The following ADAMTS17 variants were observed in gnomAD, a reference collection of about 807,000 sequenced individuals.
ADAMTS17 encodes A disintegrin and metalloproteinase with thrombospondin motifs 17.
Under a neutral mutation model 141.5 loss-of-function variants are expected in ADAMTS17, and 113 were observed. That is an observed-to-expected ratio of 0.80 (90% CI 0.69 to 0.93). ADAMTS17 has a LOEUF of 0.93. Ranked by LOEUF, ADAMTS17 falls within the 40% of genes least tolerant of loss-of-function variation. The pLI, the probability that ADAMTS17 is intolerant of heterozygous loss-of-function variation, is 0.00. For synonymous variants in ADAMTS17, 768 were observed against 630.6 expected, an observed-to-expected ratio of 1.22 and a Z score of -3.27; for missense variants, 1,659 against 1,517.9, an observed-to-expected ratio of 1.09 and a Z score of -1.54.
At chr15:100,334,898 C>G (rs1250372222) in intron 2 of ADAMTS17, among the ~76,000 whole-genome samples, 2 of 152,168 alleles carry the variant, frequency 1.3e-5, no homozygotes, top group Non-Finnish European at 2.9e-5. Context: ...CTCGTGTGGT[C>G]TTCCTTCCTT....
chr15:100,110,473 C>A (rs1596461407), intron 13 of ADAMTS17, among the ~76,000 whole-genome samples: 1 of 151,730 alleles, frequency 6.6e-6, no homozygotes, highest in Admixed American at 6.6e-5. Flanking sequence ...ACCGTGTTAG[C>A]CAGGGTGGTC....
chr15:100,261,827 TAC>T lies in ADAMTS17; in HGVS notation c.874-193_874-192del, dbSNP rs2043529000. Among the ~76,000 whole-genome samples the T allele has an allele frequency of 3.9e-5, 6 of 152,068 alleles. No homozygotes were observed. In the South Asian group the frequency reaches 8.3e-4, roughly 21 times the overall value. On this transcript the variant is annotated intron_variant, in intron 5 of 21. Transcript: ENST00000268070. ...GATCCAGAGAGACCATCAGGGGCCT[TAC>T]ATATAGGTGCAAGTGAAGACTATGC...
Position 99,997,344 on chromosome 15 carries a change from G to T in ADAMTS17, c.2796+41C>A. 6.2e-7 allele frequency: 1 copy of T among 1,609,408 alleles called. No individual in the cohort carries two copies. On this transcript the variant is annotated intron_variant, in intron 19 of 21. Coordinates refer to ENST00000268070, the MANE Select transcript of ADAMTS17 (RefSeq NM_139057.4). The surrounding 1 kb of genome is among the most constrained non-coding windows in gnomAD (Gnocchi z 4.7). ...ACCAATACCATGGCACCGTGTTGGA[G>T]TCCCTGTGGCTGAGTCCTGGTGGCA...
At chr15:100,025,418 T>TC (rs2061491215) in intron 18 of ADAMTS17, among the ~76,000 whole-genome samples, 1 of 150,624 alleles carries the variant, frequency 6.6e-6, no homozygotes. Context: ...TCTTTTCTTT[T>TC]TTTTTTTTTT....
intron 15 of ADAMTS17, among the ~76,000 whole-genome samples, chr15:100,067,861 T>G (rs2033655784): frequency 6.6e-6 from 1 of 152,122 alleles, no homozygotes; most frequent in Non-Finnish European, 1.5e-5. Flanking sequence ...CATTTCCAAC[T>G]GAGGTACCGG....
At chr15:100,222,788 G>A (rs190588001) in intron 7 of ADAMTS17, among the ~76,000 whole-genome samples, 61 of 152,348 alleles carry the variant, frequency 4.0e-4, no homozygotes, top group African/African-American at 1.3e-3. Flanking sequence ...TGATGCCAAC[G>A]TGGCTGCCAT....
chr15:100,063,601 A>G (rs2033285110), intron 15 of ADAMTS17: 27 of 1,235,256 alleles, frequency 2.2e-5, no homozygotes, highest in Non-Finnish European at 2.8e-5. Flanking sequence ...GAGGAATGAC[A>G]CTGAACCAAT....
At chr15:100,301,363 TGC>T (rs762060795) in intron 3 of ADAMTS17, among the ~76,000 whole-genome samples, 281 of 151,950 alleles carry the variant, frequency 1.8e-3, no homozygotes, top group Non-Finnish European at 3.3e-3. Flanking sequence ...GAGTCTCTGT[TGC>T]CCAGGCTGAA....
chr15:100,316,593 G>C (rs1306444782), intron 3 of ADAMTS17, among the ~76,000 whole-genome samples: 2 of 152,084 alleles, frequency 1.3e-5, no homozygotes, highest in Non-Finnish European at 2.9e-5. Flanking sequence ...CTCCCTCCCT[G>C]ACACTGACCA....
At chr15:100,113,586 G>A (rs746784712) in intron 13 of ADAMTS17, among the ~76,000 whole-genome samples, 10 of 152,200 alleles carry the variant, frequency 6.6e-5, no homozygotes, top group African/African-American at 9.7e-5. Context: ...AAGAGGTGCC[G>A]TGGGCTACCC....
At chr15:100,189,713 T>G (rs936514728) in intron 8 of ADAMTS17, among the ~76,000 whole-genome samples, 1 of 152,270 alleles carries the variant, frequency 6.6e-6, no homozygotes. Flanking sequence ...GGCGTCCTCC[T>G]GGATCTGCTA....
At chr15:100,228,969 C>T (rs777902011) in intron 7 of ADAMTS17, among the ~76,000 whole-genome samples, 3 of 152,312 alleles carry the variant, frequency 2.0e-5, no homozygotes, top group Middle Eastern at 3.4e-3. Flanking sequence ...ATAGTGCTTC[C>T]GTTAAATTTC....
At chr15:100,167,533 A>G (rs1313181018) in intron 8 of ADAMTS17, among the ~76,000 whole-genome samples, 1 of 152,158 alleles carries the variant, frequency 6.6e-6, no homozygotes, top group Non-Finnish European at 1.5e-5. Flanking sequence ...CATCCAAGTG[A>G]AGGAGAAACC....
chr15:100,069,629 T>C lies in ADAMTS17; in HGVS notation c.2138-15575A>G, dbSNP rs1344623585. Among the ~76,000 whole-genome samples the C allele has an allele frequency of 2.0e-5, 3 of 152,284 alleles. No individual in the cohort carries two copies. The East Asian group carries it at 5.8e-4, about 29-fold the overall frequency. ...AAGGAATTTTCAACCCAGAATTTCA[T>C]ATCCAGCCAAACTAAGCTTCATAAG... On this transcript the variant is annotated intron_variant, in intron 15 of 21. Coordinates refer to ENST00000268070, the MANE Select transcript of ADAMTS17 (RefSeq NM_139057.4).
Position 100,249,466 on chromosome 15 carries a change from G to T in ADAMTS17, c.1075+4670C>A, listed in dbSNP as rs192710543. 1.1e-3 allele frequency among the ~76,000 whole-genome samples: 174 copies of T among 152,344 alleles called. 1 individual carries two copies. Among genetic ancestry groups the T allele is most frequent in the African/African-American group, 4.0e-3 (167 of 41,572 alleles). On this transcript the variant is annotated intron_variant, in intron 7 of 21. Coordinates refer to ENST00000268070, the MANE Select transcript of ADAMTS17 (RefSeq NM_139057.4). Reference sequence around the variant, plus strand: ...AAAGGCCAGAATCTCCCTCACTCCAGTGCAGGTGGGGTGGGGAGGGGCAGA... The same window carrying T: ...AAAGGCCAGAATCTCCCTCACTCCATTGCAGGTGGGGTGGGGAGGGGCAGA...
chr15:100,179,121 T>A (rs2040436350), intron 8 of ADAMTS17, among the ~76,000 whole-genome samples: 1 of 152,192 alleles, frequency 6.6e-6, no homozygotes, highest in African/African-American at 2.4e-5. Context: ...AAATGTACAT[T>A]TAAATTATAA....
At chr15:100,080,108 T>C (rs2034633716) in intron 15 of ADAMTS17, among the ~76,000 whole-genome samples, 1 of 149,826 alleles carries the variant, frequency 6.7e-6, no homozygotes, top group Non-Finnish European at 1.5e-5. Context: ...GAAACTGAAC[T>C]GACACCACTC....
At chr15:100,221,307 T>G (rs987141720) in intron 7 of ADAMTS17, among the ~76,000 whole-genome samples, 2 of 152,106 alleles carry the variant, frequency 1.3e-5, no homozygotes, top group Non-Finnish European at 2.9e-5. Context: ...TGACAGAATT[T>G]GTCTCACTGC....
At chr15:100,112,964 TAGA>T (rs1419214529) in intron 13 of ADAMTS17, among the ~76,000 whole-genome samples, 2 of 152,160 alleles carry the variant, frequency 1.3e-5, no homozygotes, top group African/African-American at 4.8e-5. Flanking sequence ...GGCCAGCAGT[TAGA>T]AGGTCTTAGT....
Sources: allele counts gnomAD v4.1 joint callset (sites outside exome capture counted in the v4.1 genomes callset), GRCh38; gene constraint gnomAD v4.1.1; non-coding constraint Gnocchi (gnomAD v3.1); transcripts MANE v1.5; gene names NCBI Gene and HGNC (gene_info 2026-07-23, HGNC 2026-07-21).